The following MBD5 variants were observed in gnomAD, a reference collection of about 807,000 sequenced individuals.
The protein encoded by MBD5 is methyl-CpG-binding domain protein 5.
Under a neutral mutation model 117.3 loss-of-function variants are expected in MBD5, and 13 were observed. The observed-to-expected ratio is 0.11, with a 90% confidence interval of 0.07 to 0.18. The LOEUF is 0.18. Among genes scored for constraint, MBD5 ranks in the 10% least tolerant of loss-of-function variants. The pLI, the probability that MBD5 is intolerant of heterozygous loss-of-function variation, is 1.00. For missense variants in MBD5, 1,879 were observed against 2,093.8 expected, an observed-to-expected ratio of 0.90 and a Z score of 2.00; for synonymous variants, 727 against 766.4, an observed-to-expected ratio of 0.95 and a Z score of 0.85.
chr2:148,437,378 AGCATATGTAT>A (rs1335678883), intron 4 of MBD5, among the ~76,000 whole-genome samples: 1 of 152,192 alleles, frequency 6.6e-6, no homozygotes, highest in Non-Finnish European at 1.5e-5. Flanking sequence ...CCACTGCTGC[AGCATATGTAT>A]GCCTTGGATT....
At chr2:148,339,238 A>G (rs1702877271) in intron 3 of MBD5, among the ~76,000 whole-genome samples, 1 of 152,102 alleles carries the variant, frequency 6.6e-6, no homozygotes, top group South Asian at 2.1e-4. Context: ...ATTCCTCACT[A>G]CCATCTCAAT....
intron 2 of MBD5, among the ~76,000 whole-genome samples, chr2:148,184,275 A>T (rs1000222295): frequency 1.1e-4 from 17 of 152,146 alleles, no homozygotes; most frequent in Non-Finnish European, 2.5e-4. Context: ...GGCTTCCCAC[A>T]GTGCTGGGAT....
chr2:148,228,036 T>C (rs1699881544), intron 2 of MBD5, among the ~76,000 whole-genome samples: 1 of 152,236 alleles, frequency 6.6e-6, no homozygotes, highest in African/African-American at 2.4e-5. Context: ...TTTCTAGATA[T>C]ACAATCATGT....
intron 1 of MBD5, among the ~76,000 whole-genome samples, chr2:148,158,871 C>T (rs1384422264): frequency 1.3e-5 from 2 of 152,246 alleles, no homozygotes; most frequent in Non-Finnish European, 2.9e-5. Flanking sequence ...AGGCGCCCGC[C>T]ACCATGCCTG....
intron 2 of MBD5, among the ~76,000 whole-genome samples, chr2:148,224,886 C>T (rs897982609): frequency 1.4e-4 from 21 of 151,922 alleles, no homozygotes; most frequent in African/African-American, 5.1e-4. Flanking sequence ...GCCACTCCTG[C>T]TCTTTTGGTT....
Position 148,470,389 on chromosome 2 carries a change from A to T in MBD5, c.2446A>T (p.Ile816Phe). The change falls in exon 8 of 14, where the codon ATT becomes TTT. Residue 816 changes from isoleucine (I) to phenylalanine (F), a missense_variant. Physicochemically the swap from Ile to Phe is conservative, Grantham distance 21. Transcript: ENST00000642680. ...ACATCCCAATCCACCTCAGTCAAGA[A>T]TTTCAACGTCCTCCACTCCAGTGAT... ...SLHPNPPQSR[I>F]STSSTPVIPN... The T allele has an allele frequency of 6.2e-7, 1 of 1,613,552 alleles. No individual in the cohort carries two copies. The highest frequency in any genetic ancestry group is 8.5e-7 in the Non-Finnish European group (1 of 1,179,616).
chr2:148,420,419 T>C (rs1318136760), intron 4 of MBD5, among the ~76,000 whole-genome samples: 1 of 152,226 alleles, frequency 6.6e-6, no homozygotes, highest in Admixed American at 6.5e-5. Flanking sequence ...TTTTGTATTT[T>C]TCTTATATTT....
intron 1 of MBD5, among the ~76,000 whole-genome samples, chr2:148,036,868 T>C (rs1184822476): frequency 6.6e-6 from 1 of 152,094 alleles, no homozygotes. Flanking sequence ...TATTTTTTCT[T>C]ATTTAAACTA....
intron 1 of MBD5, among the ~76,000 whole-genome samples, chr2:148,158,083 C>T (rs1331017076): frequency 6.6e-6 from 1 of 151,582 alleles, no homozygotes; most frequent in Non-Finnish European, 1.5e-5. Flanking sequence ...AATATGCTAG[C>T]ATTAATTAGA....
rs1047958460 is a variant in MBD5, at chr2:148,473,060, T to A, written c.2518+2599T>A. 2.0e-5 allele frequency among the ~76,000 whole-genome samples: 3 copies of A among 152,184 alleles called. No individual in the cohort carries two copies. The East Asian group carries it at 5.8e-4, about 29-fold the overall frequency. On this transcript the variant is annotated intron_variant, in intron 8 of 13. Coordinates refer to ENST00000642680, the MANE Select transcript of MBD5 (RefSeq NM_001378120.1). ...ACATTTAGTGCTCAAAAGTATTGTGTTCCCTTTCAAAATCTTTTAAAATGT... is the reference window on the plus strand; with the variant it reads ...ACATTTAGTGCTCAAAAGTATTGTGATCCCTTTCAAAATCTTTTAAAATGT...
chr2:148,231,002 C>G (rs747049147), intron 2 of MBD5, among the ~76,000 whole-genome samples: 6 of 152,110 alleles, frequency 3.9e-5, no homozygotes. Context: ...AGCTGTATAG[C>G]CTGTGGTTAG....
chr2:148,056,773 C>A (rs1336493909), intron 1 of MBD5, among the ~76,000 whole-genome samples: 1 of 151,792 alleles, frequency 6.6e-6, no homozygotes, highest in Non-Finnish European at 1.5e-5. Context: ...TACGTTTTTT[C>A]TATTCTCTGG....
intron 1 of MBD5, among the ~76,000 whole-genome samples, chr2:148,079,629 C>T (rs537716642): frequency 2.6e-5 from 4 of 151,810 alleles, no homozygotes; most frequent in East Asian, 1.9e-4. Flanking sequence ...GAGGCCTAGG[C>T]GGGTGGATCA....
chr2:148,142,427 G>A (rs1697341269), intron 1 of MBD5, among the ~76,000 whole-genome samples: 1 of 152,106 alleles, frequency 6.6e-6, no homozygotes. Context: ...TTAAATTATG[G>A]AAGAGTTTCT....
At chr2:148,337,199 A>G (rs1185904810) in intron 3 of MBD5, among the ~76,000 whole-genome samples, 1 of 152,074 alleles carries the variant, frequency 6.6e-6, no homozygotes, top group Admixed American at 6.5e-5. Flanking sequence ...TACCTTATTT[A>G]TTTGCATGAG....
intron 1 of MBD5, among the ~76,000 whole-genome samples, chr2:148,087,220 A>T (rs1573998653): frequency 6.6e-6 from 1 of 152,062 alleles, no homozygotes; most frequent in Non-Finnish European, 1.5e-5. Context: ...CTGGCAAAAA[A>T]CTCTGGTGCT....
chr2:148,409,978 T>C (rs934257518), intron 4 of MBD5, among the ~76,000 whole-genome samples: 2 of 152,198 alleles, frequency 1.3e-5, no homozygotes. Context: ...TTGTATTTTT[T>C]ACTCTAATGT....
chr2:148,106,607 A>G (rs1696379657), intron 1 of MBD5, among the ~76,000 whole-genome samples: 2 of 151,606 alleles, frequency 1.3e-5, no homozygotes. Flanking sequence ...TTATTTTCCT[A>G]TTATTTTTTA....
intron 1 of MBD5, among the ~76,000 whole-genome samples, chr2:148,042,982 T>C (rs1391867285): frequency 2.6e-5 from 4 of 152,276 alleles, no homozygotes; most frequent in Non-Finnish European, 5.9e-5. Flanking sequence ...GGATGTCTTG[T>C]ATAAAAAATT....
Sources: allele counts gnomAD v4.1 joint callset (sites outside exome capture counted in the v4.1 genomes callset), GRCh38; gene constraint gnomAD v4.1.1; transcripts MANE v1.5; gene names NCBI Gene and HGNC (gene_info 2026-07-23, HGNC 2026-07-21).